The following HMBOX1 variants were observed in gnomAD, a reference collection of about 807,000 sequenced individuals.
HMBOX1 encodes the protein homeobox containing 1, also known as homeobox-containing protein 1.
A neutral mutation model predicts 54.5 loss-of-function variants in HMBOX1; 14 were observed. The ratio of observed to expected loss-of-function variants is 0.26; its 90% CI spans 0.17 to 0.40. The LOEUF is 0.40. HMBOX1 is among the 10% of genes least tolerant of loss of function. HMBOX1 has a pLI of 1.00. For missense variants in HMBOX1, 332 were observed against 514.4 expected (o/e 0.65, Z 3.43); for synonymous variants, 160 against 181.0 (o/e 0.88, Z 0.93).
chr8:28,908,925 C>T (rs148852070), intron 1 of HMBOX1, among the ~76,000 whole-genome samples: 2 of 152,062 alleles, frequency 1.3e-5, no homozygotes, highest in East Asian at 3.9e-4. Context: ...TAGTGAGATT[C>T]CATCTCTACA....
chr8:29,041,670 A>G (rs1159247918), intron 6 of HMBOX1, among the ~76,000 whole-genome samples: 1 of 152,166 alleles, frequency 6.6e-6, no homozygotes, highest in Admixed American at 6.6e-5. Flanking sequence ...AAGATGGATA[A>G]GATTTGCACT....
chr8:28,914,499 A>G (rs189448175), intron 1 of HMBOX1, among the ~76,000 whole-genome samples: 2 of 152,326 alleles, frequency 1.3e-5, no homozygotes, highest in African/African-American at 4.8e-5. Flanking sequence ...AACTGTGGAC[A>G]GGCACTGTTT....
chr8:29,007,446 A>G (rs981988457), intron 4 of HMBOX1, among the ~76,000 whole-genome samples: 3 of 152,218 alleles, frequency 2.0e-5, no homozygotes, highest in Admixed American at 2.0e-4. Context: ...AGTCCACTGG[A>G]AAACTGCTGT....
intron 1 of HMBOX1, among the ~76,000 whole-genome samples, chr8:28,904,749 C>T (rs1813941691): frequency 6.6e-6 from 1 of 151,450 alleles, no homozygotes; most frequent in Non-Finnish European, 1.5e-5. Flanking sequence ...CCATCTTGCT[C>T]ACTGCAAGCT....
At chr8:28,936,910 CAG>C (rs879312598) in intron 1 of HMBOX1, among the ~76,000 whole-genome samples, 1 of 148,970 alleles carries the variant, frequency 6.7e-6, no homozygotes, top group African/African-American at 2.5e-5. Flanking sequence ...AATATAAAAA[CAG>C]GAATATAGAA....
In HMBOX1 at chr8:29,051,062, A is replaced by T. The variant is rs1425151611; in HGVS notation, c.1170A>T (p.Leu390Phe). Residue 390 changes from leucine to phenylalanine, a missense_variant, in exon 10 of 10, where the codon TTA (leucine) becomes TTT (phenylalanine). This residue lies in a region of HMBOX1 where 69 missense variants were observed against 104.6 expected (regional missense o/e 0.66). Coordinates refer to ENST00000287701, the MANE Select transcript of HMBOX1 (RefSeq NM_001135726.3). ...SHSDHQDPIS[L>F]AVEMAAVNHT... ...GTGACCACCAAGACCCCATCTCATT[A>T]GCTGTGGAAATGGCAGCAGTCAACC... The T allele has an allele frequency of 1.3e-5, 21 of 1,613,612 alleles. No homozygotes were observed. The highest frequency in any genetic ancestry group is 1.8e-5 in the Non-Finnish European group (21 of 1,179,946).
intron 6 of HMBOX1, among the ~76,000 whole-genome samples, chr8:29,019,992 C>A (rs1029017901): frequency 6.6e-6 from 1 of 152,198 alleles, no homozygotes; most frequent in African/African-American, 2.4e-5. Context: ...TCATCTATTC[C>A]TTTCCTTGCT....
At chr8:29,049,772 T>A (rs1420544333) in intron 9 of HMBOX1, among the ~76,000 whole-genome samples, 1 of 152,218 alleles carries the variant, frequency 6.6e-6, no homozygotes, top group Admixed American at 6.5e-5. Context: ...GGATTTAAAT[T>A]TCCATTTGGA....
chr8:28,979,340 A>G (rs1050908224), intron 3 of HMBOX1, among the ~76,000 whole-genome samples: 2 of 152,244 alleles, frequency 1.3e-5, no homozygotes, highest in African/African-American at 2.4e-5. Flanking sequence ...GAGTCTAAGT[A>G]AAAATTTGTA....
chr8:28,892,382 A>G (rs574687427), intron 1 of HMBOX1, among the ~76,000 whole-genome samples: 1 of 152,210 alleles, frequency 6.6e-6, no homozygotes, highest in African/African-American at 2.4e-5. Flanking sequence ...AATATTTAAT[A>G]ACACACTAGG....
At chr8:28,930,603 C>A (rs28535459) in intron 1 of HMBOX1, among the ~76,000 whole-genome samples, 1 of 152,174 alleles carries the variant, frequency 6.6e-6, no homozygotes, top group Non-Finnish European at 1.5e-5. Context: ...CCTTTACCAG[C>A]CCCAGGTTTA....
intron 1 of HMBOX1, among the ~76,000 whole-genome samples, chr8:28,919,532 A>C (rs1377948800): frequency 6.6e-6 from 1 of 152,174 alleles, no homozygotes; most frequent in Non-Finnish European, 1.5e-5. Context: ...ACAATGCTGT[A>C]TTTTCAATAA....
chr8:28,960,753 CTTTTTCTTTTTCTTTTTTTTT>C (rs1825344888), intron 1 of HMBOX1, among the ~76,000 whole-genome samples: 3 of 65,654 alleles, frequency 4.6e-5, no homozygotes, highest in Admixed American at 1.9e-4. Flanking sequence ...TTCTCTTTTT[CTTTTTCTTTTTCTTTTTTTTT>C]TTTTTTTTTT....
At chr8:28,953,048 C>T (rs1823789160) in intron 1 of HMBOX1, among the ~76,000 whole-genome samples, 3 of 152,150 alleles carry the variant, frequency 2.0e-5, no homozygotes, top group Non-Finnish European at 2.9e-5. Flanking sequence ...GTCTTAATTA[C>T]CTACCTGAAG....
chr8:29,003,291 A>G (rs1223045884), intron 4 of HMBOX1, among the ~76,000 whole-genome samples: 2 of 151,898 alleles, frequency 1.3e-5, no homozygotes, highest in Non-Finnish European at 2.9e-5. Flanking sequence ...AATTTATAAT[A>G]GTGAAACATT....
chr8:28,898,307 T>C (rs1331549044), intron 1 of HMBOX1, among the ~76,000 whole-genome samples: 1 of 152,234 alleles, frequency 6.6e-6, no homozygotes, highest in Admixed American at 6.5e-5. Context: ...TACTTCCTGA[T>C]AAATAAGATT....
chr8:28,899,210 C>G (rs927972948), intron 1 of HMBOX1, among the ~76,000 whole-genome samples: 1 of 152,212 alleles, frequency 6.6e-6, no homozygotes, highest in African/African-American at 2.4e-5. Flanking sequence ...CATGAACGTA[C>G]TATCTCTACA....
At chr8:28,952,949 A>G (rs1000496071) in intron 1 of HMBOX1, among the ~76,000 whole-genome samples, 1 of 152,234 alleles carries the variant, frequency 6.6e-6, no homozygotes, top group African/African-American at 2.4e-5. Flanking sequence ...TACATTTTGG[A>G]GAAAGGTGAA....
intron 8 of HMBOX1, 25 bp downstream of exon 8, chr8:29,047,478 T>A (rs1477040875): frequency 8.2e-7 from 1 of 1,215,236 alleles, no homozygotes; most frequent in South Asian, 1.2e-5. Flanking sequence ...AGGCTGCTTT[T>A]CTCTTGTGCA....
Sources: gnomAD v4.1 joint callset for allele counts (sites outside exome capture counted in the v4.1 genomes callset) on GRCh38, gnomAD v4.1.1 for gene constraint, gnomAD v4.1.1 regional missense constraint, MANE v1.5 for transcripts, NCBI Gene and HGNC (gene_info 2026-07-23, HGNC 2026-07-21) for gene names.